PCLAF: variants seen among roughly 807,000 people sequenced by gnomAD.
PCLAF encodes the protein PCNA clamp associated factor.
Under a neutral mutation model 15.1 loss-of-function variants are expected in PCLAF, and 12 were observed. The observed-to-expected ratio is 0.79, with a 90% CI of 0.51 to 1.29. The LOEUF is 1.29. Ranked by LOEUF, PCLAF falls within the 50% of genes most tolerant of loss-of-function variation. PCLAF has a pLI of 0.00. For synonymous variants in PCLAF, 33 were observed against 47.1 expected, an observed-to-expected ratio of 0.70 and a Z score of 1.22; for missense variants, 116 against 130.9, an observed-to-expected ratio of 0.89 and a Z score of 0.56.
upstream of PCLAF, among the ~76,000 whole-genome samples, chr15:64,385,268 A>T (rs1023332241): frequency 6.6e-6 from 1 of 152,172 alleles, no homozygotes; most frequent in South Asian, 2.1e-4. Flanking sequence ...AACTTAAGTC[A>T]TAGTCTCTGC....
chr15:64,377,491 ATAT>A (rs1566966765), intron 2 of PCLAF, among the ~76,000 whole-genome samples: 663 of 18,368 alleles, frequency 0.036, 162 homozygotes, highest in Non-Finnish European at 0.054. Context: ...AAAAAAAAAT[ATAT>A]ATATATATAT....
intron 3 of PCLAF, among the ~76,000 whole-genome samples, chr15:64,371,263 T>C (rs1899301835): frequency 6.7e-6 from 1 of 150,106 alleles, no homozygotes; most frequent in Admixed American, 6.6e-5. Context: ...CCACTGCACT[T>C]GGCTTTTTTT....
exon 1 of PCLAF, chr15:64,387,466 A>C: frequency 7.9e-7 from 1 of 1,272,172 alleles, no homozygotes. Flanking sequence ...AATACCTTCC[A>C]CGTGCTGTTT....
intron 3 of PCLAF, among the ~76,000 whole-genome samples, chr15:64,371,589 C>A (rs191388290): frequency 1.2e-3 from 183 of 152,000 alleles, no homozygotes; most frequent in Non-Finnish European, 2.3e-3. Flanking sequence ...CAAGATTAAT[C>A]AAATATGACT....
Position 64,376,836 on chromosome 15 carries a change from C to T in PCLAF, c.197G>A (p.Gly66Glu), listed in dbSNP as rs1899616853. The T allele has an allele frequency of 6.2e-7, 1 of 1,613,790 alleles. No individual in the cohort carries two copies. Residue 66 changes from glycine to glutamate, a missense_variant, in exon 3 of 4, where the codon GGA becomes GAA. Transcript: ENST00000300035. ...RPTPKWQKGI[G>E]EFFRLSPKDS... ...TTTAGGGGACAACCTAAAGAATTCT[C>T]CAATTCCTTTTTGCCACTTGGGAGT...
At chr15:64,380,865 G>T in intron 2 of PCLAF, 93 bp downstream of exon 2, 1 of 1,057,704 alleles carries the variant, frequency 9.5e-7, no homozygotes, top group South Asian at 1.5e-5. Context: ...AAGAAATTCG[G>T]GCGTGAGTAC....
chr15:64,376,807 A>C lies in PCLAF; in HGVS notation c.226T>G (p.Ser76Ala). ...TCAGGAATCTGATTCTCTTTTTCAG[A>C]ATCTTTAGGGGACAACCTAAAGAAT... is the stretch of plus-strand genomic sequence containing the variant. ...GEFFRLSPKD[S>A]EKENQIPEEA... is the part of the protein sequence containing the mutation. The change falls in exon 3 of 4, where the codon TCT becomes GCT. Residue 76 changes from serine to alanine, a missense_variant. Physicochemically the swap from Ser to Ala is moderately conservative, Grantham distance 99. Coordinates refer to ENST00000300035, the MANE Select transcript of PCLAF (RefSeq NM_014736.6). 1 of 1,614,048 alleles carries C rather than the reference A, an allele frequency of 6.2e-7. No individual in the cohort carries two copies. The highest frequency in any genetic ancestry group is 1.1e-5 in the South Asian group (1 of 91,060).
chr15:64,369,258 G>A (rs954360814), intron 3 of PCLAF, among the ~76,000 whole-genome samples: 4 of 151,644 alleles, frequency 2.6e-5, no homozygotes, highest in Non-Finnish European at 4.4e-5. Flanking sequence ...CTACTCAGGA[G>A]GCTGAAGTGG....
At chr15:64,381,285 AG>A (rs750482897) in intron 1 of PCLAF, 40 bp downstream of exon 1, 1 of 1,610,446 alleles carries the variant, frequency 6.2e-7, no homozygotes, top group Non-Finnish European at 8.5e-7. Flanking sequence ...GGCTGCCGGG[AG>A]GACCCCCCCG....
chr15:64,368,176 T>C (rs1343511083), intron 3 of PCLAF, among the ~76,000 whole-genome samples: 2 of 151,924 alleles, frequency 1.3e-5, no homozygotes, highest in African/African-American at 4.8e-5. Flanking sequence ...ACCCTGTCTC[T>C]ACTAAAAATA....
chr15:64,370,843 T>G (rs866487082), intron 3 of PCLAF, among the ~76,000 whole-genome samples: 12 of 150,774 alleles, frequency 8.0e-5, no homozygotes, highest in East Asian at 1.9e-4. Flanking sequence ...TTTTTTTTTT[T>G]TTTTTTTTTT....
intron 3 of PCLAF, among the ~76,000 whole-genome samples, chr15:64,374,472 G>A (rs1284997744): frequency 6.6e-6 from 1 of 151,906 alleles, no homozygotes; most frequent in Non-Finnish European, 1.5e-5. Context: ...CCGGGAGGTG[G>A]AGGTTGCAGT....
At chr15:64,379,480 CAA>C (rs539274631) in intron 2 of PCLAF, among the ~76,000 whole-genome samples, 11 of 114,180 alleles carry the variant, frequency 9.6e-5, no homozygotes, top group South Asian at 2.7e-4. Context: ...GACCCTGTCT[CAA>C]AAAAAAAAAA....
rs1898961865 is a variant in PCLAF at position 64,364,690 on chromosome 15, T to TC, written c.*1339dup. On this transcript the variant is annotated 3_prime_UTR_variant, in exon 4 of 4. Coordinates refer to ENST00000300035, the MANE Select transcript of PCLAF (RefSeq NM_014736.6). ...TAAATATATATTTTTTTCTTTTCTT[T>TC]CTTTTTTTTTTTTTAAGACATTGTC... is the stretch of plus-strand genomic sequence containing the variant. 2 of 150,224 alleles carry TC rather than the reference T, an allele frequency of 1.3e-5. No individual in the cohort carries two copies. The highest frequency in any genetic ancestry group is 1.5e-5 in the Non-Finnish European group (1 of 67,638). The allele number at this position is 150,224 out of a possible 1,614,324, so 9.3% of individuals were successfully genotyped here.
At chr15:64,381,455 C>A (rs1391395674), upstream of PCLAF, 120 of 1,611,606 alleles carry the variant, frequency 7.4e-5, no homozygotes, top group Non-Finnish European at 1.0e-4. Context: ...CGAAAACTAT[C>A]CCGCCACAGT....
chr15:64,383,943 A>G (rs1899557599), upstream of PCLAF, among the ~76,000 whole-genome samples: 1 of 147,540 alleles, frequency 6.8e-6, no homozygotes, highest in Non-Finnish European at 1.5e-5. Flanking sequence ...CATGCTAGAG[A>G]AAAAAAAAAA....
exon 1 of PCLAF, chr15:64,387,482 T>G (rs953953190): frequency 3.9e-6 from 5 of 1,280,874 alleles, no homozygotes; most frequent in Non-Finnish European, 5.1e-6. Flanking sequence ...TGTTTTATTT[T>G]ACATAAAACC....
chr15:64,366,016 T>C lies in PCLAF; in HGVS notation c.*14A>G. The C allele has an allele frequency of 6.3e-7, 1 of 1,598,330 alleles. No homozygotes were observed. The highest frequency in any genetic ancestry group is 8.6e-7 in the Non-Finnish European group (1 of 1,167,452). ...TAAACAAGGAGACGTTATTCAAAGA[T>C]GAATGAGAAAGTTCTATTCTTTTTC... On this transcript the variant is annotated 3_prime_UTR_variant, in exon 4 of 4. Coordinates refer to ENST00000300035, the MANE Select transcript of PCLAF (RefSeq NM_014736.6).
chr15:64,377,488 A>AAAAAAAAAAAATATAT (rs1555407636), intron 2 of PCLAF, among the ~76,000 whole-genome samples: 1 of 29,320 alleles, frequency 3.4e-5, no homozygotes. Context: ...AAAAAAAAAA[A>AAAAAAAAAAAATATAT]ATATATATAT....
Sources: allele counts gnomAD v4.1 joint callset (sites outside exome capture counted in the v4.1 genomes callset), GRCh38; gene constraint gnomAD v4.1.1; transcripts MANE v1.5; gene names NCBI Gene and HGNC (gene_info 2026-07-23, HGNC 2026-07-21).